DPP8: variants seen among roughly 807,000 people sequenced by gnomAD.
DPP8 encodes the protein DPP VIII.
In DPP8, 31 loss-of-function variants were observed where a neutral mutation model predicts 107.5. That is an observed-to-expected ratio of 0.29 (90% CI 0.22 to 0.39). DPP8 has a LOEUF of 0.39. DPP8 is among the 10% of genes least tolerant of loss of function. DPP8 has a pLI of 1.00. For synonymous variants in DPP8, 381 were observed against 356.6 expected, an observed-to-expected ratio of 1.07 and a Z score of -0.77; for missense variants, 842 against 1,076.1, an observed-to-expected ratio of 0.78 and a Z score of 3.04.
At chr15:65,494,699 T>G (rs1247581867) in intron 5 of DPP8, among the ~76,000 whole-genome samples, 1 of 149,518 alleles carries the variant, frequency 6.7e-6, no homozygotes, top group African/African-American at 2.5e-5. Context: ...CAAAACAGAT[T>G]TACTAACTAC....
chr15:65,465,174 T>C (rs1411870769), intron 14 of DPP8, among the ~76,000 whole-genome samples: 2 of 150,762 alleles, frequency 1.3e-5, no homozygotes, highest in African/African-American at 4.9e-5. Flanking sequence ...TTTCTTTTTT[T>C]TTTTTTTTTT....
At chr15:65,474,778 T>C (rs958525947) in intron 11 of DPP8, among the ~76,000 whole-genome samples, 6 of 152,234 alleles carry the variant, frequency 3.9e-5, no homozygotes, top group Non-Finnish European at 7.3e-5. Context: ...TTTTAAATGG[T>C]TAACTTAACG....
At chr15:65,516,919 G>A (rs980355775) in intron 1 of DPP8, 5 of 152,662 alleles carry the variant, frequency 3.3e-5, no homozygotes, top group Non-Finnish European at 5.9e-5. Flanking sequence ...AGTCTTAGAA[G>A]AAAAGTGTGT....
intron 3 of DPP8, among the ~76,000 whole-genome samples, chr15:65,506,615 TATATAC>T (rs1567286676): frequency 7.3e-6 from 1 of 136,924 alleles, no homozygotes; most frequent in Non-Finnish European, 1.5e-5. Context: ...TATGTAAACA[TATATAC>T]ATATAAACAT....
chr15:65,516,062 A>G, intron 1 of DPP8: 6 of 369,784 alleles, frequency 1.6e-5, no homozygotes, highest in Non-Finnish European at 2.4e-5. Context: ...AACCATGGAA[A>G]GGCTTTAAAA....
At chr15:65,468,477 G>GAGCAAGA (rs1202247449) in intron 12 of DPP8, among the ~76,000 whole-genome samples, 1 of 145,934 alleles carries the variant, frequency 6.9e-6, no homozygotes, top group Non-Finnish European at 1.5e-5. Flanking sequence ...CTGGGCAACA[G>GAGCAAGA]AGCAAGACCC....
intron 7 of DPP8, among the ~76,000 whole-genome samples, chr15:65,487,328 T>C (rs2067543280): frequency 6.6e-6 from 1 of 152,136 alleles, no homozygotes; most frequent in Non-Finnish European, 1.5e-5. Context: ...TTTGTATTTT[T>C]AGTAAAGATG....
chr15:65,459,000 T>G (rs1239599641), intron 15 of DPP8: 2 of 149,604 alleles, frequency 1.3e-5, no homozygotes, highest in Admixed American at 1.3e-4. Context: ...AAAATCTCCC[T>G]GCAAACTGAA....
At chr15:65,492,828 G>C (rs1567244413) in intron 5 of DPP8, among the ~76,000 whole-genome samples, 1 of 151,996 alleles carries the variant, frequency 6.6e-6, no homozygotes, top group Non-Finnish European at 1.5e-5. Context: ...AAACCCCTGA[G>C]CTCAAGTAAT....
In DPP8 at chr15:65,481,739, G is replaced by T. The variant is rs187306248; in HGVS notation, c.1018-124C>A. 1.3e-4 allele frequency: 72 copies of T among 561,164 alleles called. No homozygotes were observed. The African/African-American group carries it at 1.4e-3, about 11-fold the overall frequency. 34.8% of individuals were successfully genotyped at this position (561,164 alleles called of 1,614,324 possible). A position where few individuals can be genotyped will look rare whatever the true frequency, so the allele number is the denominator to read the frequency against. ...TTTTCCAGAGTTAGGTATTAAAAAG[G>T]AACAAAGGATATAGCAAATCTAGAA... On this transcript the variant is annotated intron_variant, in intron 8 of 19. Transcript: ENST00000300141.
At position 65,497,906 on chromosome 15, in the gene DPP8, T is replaced by C. The variant is rs573954421; in HGVS notation, c.673A>G (p.Ile225Val). 1.4e-5 allele frequency: 22 copies of C among 1,592,148 alleles called. No individual in the cohort carries two copies. The highest frequency in any genetic ancestry group is 1.7e-5 in the Non-Finnish European group (20 of 1,166,352). ...IHSNDIWISN[I>V]VTREERRLTY... ...AGTCTCCTTTCTTCTCTGGTTACGATGTTAGATATCCAAATATCGTTGCTA... is the reference window on the plus strand; with the variant it reads ...AGTCTCCTTTCTTCTCTGGTTACGACGTTAGATATCCAAATATCGTTGCTA... The change falls in exon 5 of 20, where the codon ATC (isoleucine) becomes GTC (valine). Residue 225 changes from isoleucine to valine, a missense_variant. Ile to Val is a conservative substitution (Grantham distance 29). Around this residue, in one of 2 missense-constraint regions of DPP8, gnomAD observed 663 missense variants for 758.0 expected, o/e 0.87. Coordinates refer to ENST00000300141, the MANE Select transcript of DPP8 (RefSeq NM_130434.5).
At chr15:65,512,616 G>C (rs2070934442) in intron 1 of DPP8, 52 bp from the exon 2 acceptor site, 3 of 1,585,394 alleles carry the variant, frequency 1.9e-6, no homozygotes, top group Non-Finnish European at 2.6e-6. Flanking sequence ...TCTATTATCA[G>C]AATGATTCTC....
intron 8 of DPP8, among the ~76,000 whole-genome samples, chr15:65,483,566 G>A (rs2067126253): frequency 6.7e-6 from 1 of 148,420 alleles, no homozygotes; most frequent in African/African-American, 2.5e-5. Context: ...TATTAGGCAG[G>A]CTGGAGACTT....
rs776118371 is a variant in DPP8, at chr15:65,500,606, C to T, written c.546G>A (p.Thr182=). The T allele has an allele frequency of 4.3e-6, 7 of 1,613,238 alleles. No individual in the cohort carries two copies. The highest frequency in any genetic ancestry group is 2.2e-5 in the South Asian group (2 of 91,036). Reference sequence around the variant, plus strand: ...TTAATCACTAGCAACTCCAACTTACCGTAAATCCTTGTGGCCCTCCATCTT... The same window carrying T: ...TTAATCACTAGCAACTCCAACTTACTGTAAATCCTTGTGGCCCTCCATCTT... ...HVKDGGPQGF[T]QQPLRPNLVE... is the part of the protein sequence containing the mutation. Residue 182 remains threonine, a splice_region_variant and synonymous_variant, in exon 4 of 20, where the codon ACG becomes ACA. Transcript: ENST00000300141.
At position 65,472,058 on chromosome 15, in the gene DPP8, T is replaced by A. The variant is rs112225071; in HGVS notation, c.1536+2151A>T. Among the ~76,000 whole-genome samples, 1,044 of 152,244 alleles carry A rather than the reference T, an allele frequency of 6.9e-3. 15 individuals are homozygous for A. Among genetic ancestry groups the A allele is most frequent in the African/African-American group, 0.024 (977 of 41,550 alleles). ...TCATCCAAGTGACAGCTGAAACAAA[T>A]GCAAGGTACTTCAAAAACGCAATTT... On this transcript the variant is annotated intron_variant, in intron 12 of 19. Coordinates refer to ENST00000300141, the MANE Select transcript of DPP8 (RefSeq NM_130434.5).
rs770695851 is a variant in DPP8, at chr15:65,454,465, G to GT, written c.2119-51dup. 2.7e-6 allele frequency: 4 copies of GT among 1,472,538 alleles called. No homozygotes were observed. In the South Asian group the frequency reaches 5.3e-5, roughly 19 times the overall value. The allele number at this position is 1,472,538 out of a possible 1,614,324, so 91.2% of individuals were successfully genotyped here. A position where few individuals can be genotyped will look rare whatever the true frequency, so the allele number is the denominator to read the frequency against. On this transcript the variant is annotated intron_variant, in intron 16 of 19. Transcript: ENST00000300141. ...ACTGATTCTGATGAATAAAAGTCTC[G>GT]TAAGAGTGCTTTCAAAGATGATAAA...
intron 3 of DPP8, among the ~76,000 whole-genome samples, 185 bp downstream of exon 3, chr15:65,507,058 A>T (rs1305907768): frequency 6.6e-6 from 1 of 152,148 alleles, no homozygotes; most frequent in Non-Finnish European, 1.5e-5. Flanking sequence ...AAAAAATTGA[A>T]TTTTATTATC....
intron 5 of DPP8, among the ~76,000 whole-genome samples, chr15:65,493,410 A>G (rs1285108716): frequency 6.6e-6 from 1 of 152,164 alleles, no homozygotes; most frequent in African/African-American, 2.4e-5. Flanking sequence ...TACATCTACC[A>G]TAATACATTA....
chr15:65,455,877 C>T, intron 16 of DPP8: 1 of 1,279,312 alleles, frequency 7.8e-7, no homozygotes, highest in Non-Finnish European at 1.0e-6. Context: ...AAGGAAGGCA[C>T]TAACCAGTTG....
Sources: gnomAD v4.1 joint callset for allele counts (sites outside exome capture counted in the v4.1 genomes callset) on GRCh38, gnomAD v4.1.1 for gene constraint, gnomAD v4.1.1 regional missense constraint, MANE v1.5 for transcripts, NCBI Gene and HGNC (gene_info 2026-07-23, HGNC 2026-07-21) for gene names.